The following PCNA variants were observed in gnomAD, a reference collection of about 807,000 sequenced individuals.
The protein encoded by PCNA is DNA sliding clamp PCNA.
In PCNA, 4 loss-of-function variants were observed where a neutral mutation model predicts 27.8. The observed-to-expected ratio is 0.14, with a 90% confidence interval of 0.07 to 0.33. PCNA has a LOEUF of 0.33. Ranked by LOEUF, PCNA falls within the 10% of genes least tolerant of loss-of-function variation. The pLI, the probability that PCNA is intolerant of heterozygous loss-of-function variation, is 1.00. For missense variants in PCNA, 165 were observed against 327.4 expected, an observed-to-expected ratio of 0.50 and a Z score of 3.83; for synonymous variants, 121 against 119.4, an observed-to-expected ratio of 1.01 and a Z score of -0.09.
At chr20:5,117,359 C>T (rs2090482268) in intron 4 of PCNA, 111 bp downstream of exon 4, 2 of 732,758 alleles carry the variant, frequency 2.7e-6, no homozygotes, top group Non-Finnish European at 2.2e-6. Flanking sequence ...TCTCAATTTT[C>T]AGAAATTACT....
intron 3 of PCNA, 26 bp downstream of exon 3, chr20:5,118,584 C>G: frequency 2.7e-6 from 4 of 1,501,912 alleles, no homozygotes; most frequent in Admixed American, 1.7e-5. Flanking sequence ...GTACAGCACT[C>G]TCTACAATGA....
chr20:5,120,417 G>A (rs2090511177), upstream of PCNA, among the ~76,000 whole-genome samples: 1 of 152,192 alleles, frequency 6.6e-6, no homozygotes, highest in Non-Finnish European at 1.5e-5. Context: ...GGTGTCACAA[G>A]ATAAAGAGGT....
At chr20:5,120,921 C>T (rs2090514335), upstream of PCNA, among the ~76,000 whole-genome samples, 1 of 152,170 alleles carries the variant, frequency 6.6e-6, no homozygotes, top group Non-Finnish European at 1.5e-5. Flanking sequence ...AGTCTCCTGC[C>T]TCAGCCTCCC....
chr20:5,125,106 A>G (rs2122921771), intron 1 of PCNA, among the ~76,000 whole-genome samples: 1 of 152,294 alleles, frequency 6.6e-6, no homozygotes, highest in East Asian at 1.9e-4. Flanking sequence ...TAGGAGGCCT[A>G]TGTGGGAGGA....
upstream of PCNA, chr20:5,119,970 C>A: frequency 1.6e-6 from 1 of 609,354 alleles, no homozygotes; most frequent in African/African-American, 1.8e-5. Context: ...CCGCCGCGTC[C>A]GCAAGCGCGC....
Position 5,115,482 on chromosome 20 carries a change from C to T in PCNA, c.673G>A (p.Val225Met), listed in dbSNP as rs1307654561. 2 of 1,614,018 alleles carry T rather than the reference C, an allele frequency of 1.2e-6. No individual in the cohort carries two copies. Among genetic ancestry groups the T allele is most frequent in the Admixed American group, 3.3e-5 (2 of 60,018 alleles). The change falls in exon 5 of 6, where the codon GTG becomes ATG. Residue 225 changes from valine to methionine, a missense_variant. Coordinates refer to ENST00000379143, the MANE Select transcript of PCNA (RefSeq NM_182649.2). ...FTKATPLSST[V>M]TLSMSADVPL... Reference sequence around the variant, plus strand: ...ACATCTGCAGACATACTGAGTGTCACCGTTGAAGAGAGTGGAGTGGCTTTT... The same window carrying T: ...ACATCTGCAGACATACTGAGTGTCATCGTTGAAGAGAGTGGAGTGGCTTTT...
At chr20:5,120,761 G>A (rs1345954528), upstream of PCNA, among the ~76,000 whole-genome samples, 2 of 152,108 alleles carry the variant, frequency 1.3e-5, no homozygotes, top group Non-Finnish European at 2.9e-5. Flanking sequence ...ACTCCTTGAA[G>A]TAATACAGCT....
chr20:5,119,934 T>C lies in PCNA; in HGVS notation c.-136A>G, dbSNP rs1299729935. On this transcript the variant is annotated 5_prime_UTR_variant, in exon 1 of 6. Coordinates refer to ENST00000379143, the MANE Select transcript of PCNA (RefSeq NM_182649.2). Reference sequence around the variant, plus strand: ...TGAGACCTAGAAAGACAACGACCACTCTGCTACGCCTGCAACCGTTTAATG... The same window carrying C: ...TGAGACCTAGAAAGACAACGACCACCCTGCTACGCCTGCAACCGTTTAATG... The C allele has an allele frequency of 2.9e-6, 2 of 683,328 alleles. No homozygotes were observed. The highest frequency in any genetic ancestry group is 3.6e-5 in the African/African-American group (2 of 56,012). The allele number at this position is 683,328 out of a possible 1,614,324, so 42.3% of individuals were successfully genotyped here.
chr20:5,115,111 C>G lies in PCNA; in HGVS notation c.*172G>C. 1.9e-6 allele frequency: 1 copy of G among 538,884 alleles called. No homozygotes were observed. The highest frequency in any genetic ancestry group is 3.3e-6 in the Non-Finnish European group (1 of 304,796). The allele number at this position is 538,884 out of a possible 1,614,324, so 33.4% of individuals were successfully genotyped here. ...ACCAGATCTGACTTTGGACTTTATT[C>G]TTTAAACAAATTGCAGAGAATAGAG... On this transcript the variant is annotated 3_prime_UTR_variant, in exon 6 of 6. Coordinates refer to ENST00000379143, the MANE Select transcript of PCNA (RefSeq NM_182649.2).
upstream of PCNA, chr20:5,120,004 G>A (rs1419298977): frequency 2.4e-5 from 14 of 585,140 alleles, no homozygotes; most frequent in East Asian, 3.7e-4. Flanking sequence ...GCCGCGTTGC[G>A]ACGTCACCAC....
intron 1 of PCNA, among the ~76,000 whole-genome samples, chr20:5,119,248 A>G (rs1243181650): frequency 6.6e-6 from 1 of 152,268 alleles, no homozygotes; most frequent in Admixed American, 6.5e-5. Flanking sequence ...CAGAAACAAG[A>G]AAGCCACAGC....
chr20:5,117,437 A>G (rs1321414624), intron 4 of PCNA, 33 bp downstream of exon 4: 7 of 1,468,730 alleles, frequency 4.8e-6, no homozygotes, highest in Non-Finnish European at 6.6e-6. Context: ...AATTCTCTTC[A>G]AACTATTTTC....
chr20:5,119,823 C>A lies in PCNA; in HGVS notation c.-25G>T. ...TGGTGGCGGAGTGGCAACAACGCCG[C>A]TACAGGCAGGCGGGAAGGAGGAAAG... On this transcript the variant is annotated 5_prime_UTR_variant, in exon 1 of 6. Coordinates refer to ENST00000379143, the MANE Select transcript of PCNA (RefSeq NM_182649.2). 1 of 1,532,030 alleles carries A rather than the reference C, an allele frequency of 6.5e-7. No individual in the cohort carries two copies. The highest frequency in any genetic ancestry group is 8.9e-7 in the Non-Finnish European group (1 of 1,129,938). The allele number at this position is 1,532,030 out of a possible 1,614,324, so 94.9% of individuals were successfully genotyped here.
upstream of PCNA, among the ~76,000 whole-genome samples, chr20:5,120,272 A>G (rs569572794): frequency 3.6e-4 from 55 of 152,356 alleles, no homozygotes; most frequent in East Asian, 0.01. Context: ...GTGGGTAGAA[A>G]GTTTCCAGCC....
chr20:5,118,481 A>G (rs955434419), intron 3 of PCNA, 129 bp downstream of exon 3: 17 of 658,546 alleles, frequency 2.6e-5, no homozygotes, highest in Non-Finnish European at 2.1e-5. Flanking sequence ...AGAGAGAGCT[A>G]TATGGCACTA....
intron 1 of PCNA, 67 bp downstream of exon 1, chr20:5,119,511 A>G: frequency 7.5e-7 from 1 of 1,338,578 alleles, no homozygotes; most frequent in Non-Finnish European, 1.0e-6. Flanking sequence ...TAGGCTCGAA[A>G]GCGCTCCCGC....
intron 3 of PCNA, 50 bp downstream of exon 3, chr20:5,118,560 A>C: frequency 7.9e-7 from 1 of 1,271,162 alleles, no homozygotes; most frequent in Non-Finnish European, 1.1e-6. Flanking sequence ...CTATGACATA[A>C]CTATCGTGCC....
At chr20:5,121,694 T>G (rs1204095198), upstream of PCNA, among the ~76,000 whole-genome samples, 2 of 152,070 alleles carry the variant, frequency 1.3e-5, no homozygotes, top group Non-Finnish European at 2.9e-5. Context: ...AGTGGCAAGA[T>G]GACTACTCAC....
chr20:5,119,319 T>C (rs1483775657), intron 1 of PCNA, among the ~76,000 whole-genome samples: 1 of 152,098 alleles, frequency 6.6e-6, no homozygotes, highest in East Asian at 1.9e-4. Context: ...ACAGTGTTCC[T>C]GGCACTGCGG....
Sources: gnomAD v4.1 joint callset for allele counts (sites outside exome capture counted in the v4.1 genomes callset) on GRCh38, gnomAD v4.1.1 for gene constraint, MANE v1.5 for transcripts, NCBI Gene and HGNC (gene_info 2026-07-23, HGNC 2026-07-21) for gene names.